CTNNA3: variants seen among roughly 807,000 people sequenced by gnomAD.
The protein encoded by CTNNA3 is catenin alpha 3.
In CTNNA3, 76 loss-of-function variants were observed where a neutral mutation model predicts 95.7. The ratio of observed to expected loss-of-function variants is 0.79; its 90% CI spans 0.66 to 0.96. The LOEUF (loss-of-function observed/expected upper bound fraction) is 0.96, where lower values mean the gene tolerates loss of function less well. CTNNA3 is among the 40% of genes least tolerant of loss of function. The pLI is 0.00. For missense variants in CTNNA3, 1,191 were observed against 1,089.8 expected (o/e 1.09, Z -1.31); for synonymous variants, 431 against 374.4 (o/e 1.15, Z -1.74).
At chr10:66,633,180 T>C (rs540745181) in intron 9 of CTNNA3, among the ~76,000 whole-genome samples, 1 of 152,180 alleles carries the variant, frequency 6.6e-6, no homozygotes, top group African/African-American at 2.4e-5. Context: ...CATTCAGAAA[T>C]ACTTGCATAT....
At chr10:66,917,266 G>A (rs1050820353) in intron 7 of CTNNA3, among the ~76,000 whole-genome samples, 8 of 152,222 alleles carry the variant, frequency 5.3e-5, no homozygotes, top group Non-Finnish European at 8.8e-5. Context: ...ATTTTTGCTC[G>A]AGTTACAATA....
intron 12 of CTNNA3, among the ~76,000 whole-genome samples, chr10:66,360,646 TCTTTCTTTCTTTCTTCCTTC>T (rs1292063170): frequency 0.012 from 785 of 66,626 alleles, 6 homozygotes; most frequent in African/African-American, 0.038. Context: ...TTTCTTTCTT[TCTTTCTTTCTTTCTTCCTTC>T]CTTCCTTCCT....
In CTNNA3 at chr10:65,919,594, G is replaced by A. The variant is rs2077051629; in HGVS notation, c.*736C>T. 6.6e-6 allele frequency: 1 copy of A among 152,082 alleles called. No individual in the cohort carries two copies. Among genetic ancestry groups the A allele is most frequent in the Non-Finnish European group, 1.5e-5 (1 of 68,018 alleles). 9.4% of individuals were successfully genotyped at this position (152,082 alleles called of 1,614,324 possible). A position where few individuals can be genotyped will look rare whatever the true frequency, so the allele number is the denominator to read the frequency against. ...ATTCGGATAGGCCTAACACTCAAAA[G>A]TACAGAACTCTCTAACACATTGGAA... On this transcript the variant is annotated 3_prime_UTR_variant, in exon 18 of 18. Coordinates refer to ENST00000433211, the MANE Select transcript of CTNNA3 (RefSeq NM_013266.4).
chr10:66,479,923 A>G (rs998602789), intron 11 of CTNNA3, among the ~76,000 whole-genome samples: 5 of 150,044 alleles, frequency 3.3e-5, no homozygotes, highest in African/African-American at 1.2e-4. Flanking sequence ...AGACTTCACC[A>G]CAAGATAATT....
At chr10:66,150,199 T>C (rs1380718773) in intron 13 of CTNNA3, among the ~76,000 whole-genome samples, 3 of 152,188 alleles carry the variant, frequency 2.0e-5, no homozygotes, top group Admixed American at 6.6e-5. Flanking sequence ...GTTCTCGTGA[T>C]AGTGAATGAG....
At chr10:67,223,892 G>A (rs1864771097) in intron 5 of CTNNA3, among the ~76,000 whole-genome samples, 1 of 152,214 alleles carries the variant, frequency 6.6e-6, no homozygotes, top group Admixed American at 6.5e-5. Context: ...CAGTCTCTCA[G>A]TTTGAAGGGA....
At chr10:67,318,535 A>T (rs1310737809) in intron 5 of CTNNA3, among the ~76,000 whole-genome samples, 1 of 152,232 alleles carries the variant, frequency 6.6e-6, no homozygotes, top group South Asian at 2.1e-4. Flanking sequence ...ACAAGGTCCC[A>T]TATGGTATAG....
Position 66,892,071 on chromosome 10 carries a change from T to G in CTNNA3, c.1048-116547A>C, listed in dbSNP as rs138703508. 3.2e-4 allele frequency among the ~76,000 whole-genome samples: 48 copies of G among 152,182 alleles called. No homozygotes were observed. In the East Asian group the frequency reaches 5.8e-3, roughly 18 times the overall value. On this transcript the variant is annotated intron_variant, in intron 7 of 17. Transcript: ENST00000433211. ...AAATAAAAAACCAAAACAAAAATGT[T>G]AAAATTATTAAAATTTTAGACACTT...
At chr10:67,067,721 A>T (rs1856179188) in intron 7 of CTNNA3, among the ~76,000 whole-genome samples, 1 of 152,242 alleles carries the variant, frequency 6.6e-6, no homozygotes, top group Non-Finnish European at 1.5e-5. Flanking sequence ...ATTCAGACTA[A>T]GCTCAATTAT....
At chr10:66,000,215 C>T (rs2078743781) in intron 15 of CTNNA3, among the ~76,000 whole-genome samples, 2 of 152,096 alleles carry the variant, frequency 1.3e-5, no homozygotes, top group African/African-American at 4.8e-5. Flanking sequence ...AATTTATTGG[C>T]TTGGCACAAA....
chr10:67,459,574 C>T (rs1226536398), intron 5 of CTNNA3, among the ~76,000 whole-genome samples: 2 of 152,140 alleles, frequency 1.3e-5, no homozygotes, highest in Non-Finnish European at 2.9e-5. Flanking sequence ...TTCTGTTGGA[C>T]ATGAATAAGA....
In CTNNA3 at chr10:67,108,970, CTT is replaced by C. The variant is rs372006941; in HGVS notation, c.1047+71345_1047+71346del. 3.0e-4 allele frequency among the ~76,000 whole-genome samples: 46 copies of C among 152,154 alleles called. No individual in the cohort carries two copies. The East Asian group carries it at 8.1e-3, about 27-fold the overall frequency. ...AAAATATGCAATTTTATTGAATAAACTTAAAGTAATTAATAAATTCAATGTAC... is the reference window on the plus strand; with the variant it reads ...AAAATATGCAATTTTATTGAATAAACAAAGTAATTAATAAATTCAATGTAC... On this transcript the variant is annotated intron_variant, in intron 7 of 17. Transcript: ENST00000433211.
At chr10:66,339,466 T>C (rs1474954130) in intron 12 of CTNNA3, among the ~76,000 whole-genome samples, 1 of 151,810 alleles carries the variant, frequency 6.6e-6, no homozygotes, top group African/African-American at 2.4e-5. Context: ...AAATTTCTTC[T>C]TTGAGAAGAT....
intron 4 of CTNNA3, among the ~76,000 whole-genome samples, chr10:67,523,446 G>A (rs1251023179): frequency 3.3e-5 from 5 of 152,056 alleles, no homozygotes; most frequent in South Asian, 4.2e-4. Context: ...GAGTAAACTG[G>A]GTTTCAGAAA....
intron 12 of CTNNA3, among the ~76,000 whole-genome samples, chr10:66,291,764 CTGTATA>C (rs2091684291): frequency 6.6e-6 from 1 of 151,046 alleles, no homozygotes; most frequent in African/African-American, 2.4e-5. Context: ...ATATATCTGT[CTGTATA>C]TATGTATGTG....
chr10:65,917,587 C>T lies in CTNNA3; in HGVS notation c.*2743G>A, dbSNP rs527982725. 10 of 151,898 alleles carry T rather than the reference C, an allele frequency of 6.6e-5. No homozygotes were observed. Among genetic ancestry groups the T allele is most frequent in the African/African-American group, 2.4e-4 (10 of 41,418 alleles). 9.4% of individuals were successfully genotyped at this position (151,898 alleles called of 1,614,324 possible). A position where few individuals can be genotyped will look rare whatever the true frequency, so the allele number is the denominator to read the frequency against. ...CTCCTCCCTCTCAAGGAACGTTTTT[C>T]CCTATGTAAATTAACACAAATTGAT... On this transcript the variant is annotated 3_prime_UTR_variant, in exon 18 of 18. Transcript: ENST00000433211.
At chr10:66,503,458 A>G (rs1313367347) in intron 11 of CTNNA3, among the ~76,000 whole-genome samples, 1 of 150,674 alleles carries the variant, frequency 6.6e-6, no homozygotes, top group Non-Finnish European at 1.5e-5. Context: ...AGCATACATA[A>G]CTCCCTCCAA....
At chr10:66,284,257 T>G (rs2132170029) in intron 12 of CTNNA3, among the ~76,000 whole-genome samples, 1 of 152,050 alleles carries the variant, frequency 6.6e-6, no homozygotes, top group South Asian at 2.1e-4. Context: ...ATCTTGGCAC[T>G]GTGCTAAGCA....
At chr10:66,709,507 G>A (rs529785137) in intron 9 of CTNNA3, among the ~76,000 whole-genome samples, 1 of 142,640 alleles carries the variant, frequency 7.0e-6, no homozygotes, top group East Asian at 2.6e-4. Context: ...TTTAGTTTTT[G>A]CCATTCTGTC....
Sources: allele counts gnomAD v4.1 joint callset (sites outside exome capture counted in the v4.1 genomes callset), GRCh38; gene constraint gnomAD v4.1.1; transcripts MANE v1.5; gene names NCBI Gene and HGNC (gene_info 2026-07-23, HGNC 2026-07-21).